The following FGF10 variants were observed in gnomAD, a reference collection of about 807,000 sequenced individuals.
The protein encoded by FGF10 is FGF-10.
Under a neutral mutation model 19.8 loss-of-function variants are expected in FGF10, and 2 were observed. The ratio of observed to expected loss-of-function variants is 0.10; its 90% CI spans 0.04 to 0.32. The LOEUF (loss-of-function observed/expected upper bound fraction) is 0.32. FGF10 is among the 10% of genes least tolerant of loss of function. The pLI is 1.00. For synonymous variants in FGF10, 112 were observed against 94.0 expected, an observed-to-expected ratio of 1.19 and a Z score of -1.10; for missense variants, 191 against 246.3, an observed-to-expected ratio of 0.78 and a Z score of 1.50.
At chr5:44,339,562 A>G (rs1490287904) in intron 1 of FGF10, among the ~76,000 whole-genome samples, 3 of 152,126 alleles carry the variant, frequency 2.0e-5, no homozygotes, top group Non-Finnish European at 4.4e-5. Flanking sequence ...TGCAATGATA[A>G]CCTTCTATCA....
intron 1 of FGF10, among the ~76,000 whole-genome samples, chr5:44,338,820 GAC>G (rs1306695853): frequency 1.1e-4 from 17 of 152,148 alleles, no homozygotes; most frequent in African/African-American, 3.9e-4. Flanking sequence ...AAAAGAATGA[GAC>G]ATGTTATTGT....
Position 44,362,670 on chromosome 5 carries a change from A to G in FGF10, c.325+25688T>C, listed in dbSNP as rs963578706. ...CAGCATGACAAATTGTTGTAATCTT[A>G]TCTGCCCTTATAGATGCTGCTTCCC... is the stretch of plus-strand genomic sequence containing the variant. On this transcript the variant is annotated intron_variant, in intron 1 of 2. Transcript: ENST00000264664. Among the ~76,000 whole-genome samples, 3 of 151,660 alleles carry G rather than the reference A, an allele frequency of 2.0e-5. No individual in the cohort carries two copies. The East Asian group carries it at 5.8e-4, about 30-fold the overall frequency.
At chr5:44,378,346 C>A (rs544771619) in intron 1 of FGF10, among the ~76,000 whole-genome samples, 1 of 152,314 alleles carries the variant, frequency 6.6e-6, no homozygotes, top group East Asian at 1.9e-4. Flanking sequence ...CAATCTGTTT[C>A]TTCTACCAAT....
intron 1 of FGF10, among the ~76,000 whole-genome samples, chr5:44,330,318 T>C (rs35188593): frequency 2.6e-5 from 4 of 152,314 alleles, no homozygotes; most frequent in South Asian, 4.1e-4. Context: ...TCTCAATGTC[T>C]AATTAATCCT....
intron 1 of FGF10, among the ~76,000 whole-genome samples, chr5:44,333,917 G>C (rs965389525): frequency 2.6e-5 from 4 of 152,006 alleles, no homozygotes; most frequent in Non-Finnish European, 5.9e-5. Context: ...CCTGAGACTT[G>C]TATCTCTGTT....
At chr5:44,310,584 G>T in intron 1 of FGF10, 54 bp from the exon 2 acceptor site, 1 of 1,318,956 alleles carries the variant, frequency 7.6e-7, no homozygotes, top group Non-Finnish European at 1.1e-6. Flanking sequence ...ATATTTGGAA[G>T]AAAAGTAAAA....
At chr5:44,355,723 G>C (rs1326382187) in intron 1 of FGF10, among the ~76,000 whole-genome samples, 2 of 151,298 alleles carry the variant, frequency 1.3e-5, no homozygotes, top group Admixed American at 1.3e-4. Flanking sequence ...TGGAAGAGAG[G>C]ACCTCTTTCA....
Position 44,339,696 on chromosome 5 carries a change from C to A in FGF10, c.326-29166G>T, listed in dbSNP as rs541378842. ...CAAGGTTTCCTCTGGCCATTTGACC[C>A]CTATCTTTAATGTCATGCTTTCTGT... On this transcript the variant is annotated intron_variant, in intron 1 of 2. Coordinates refer to ENST00000264664, the MANE Select transcript of FGF10 (RefSeq NM_004465.2). 1.8e-4 allele frequency among the ~76,000 whole-genome samples: 28 copies of A among 152,188 alleles called. 1 individual carries two copies. In the South Asian group the frequency reaches 5.4e-3, roughly 29 times the overall value.
At chr5:44,385,753 C>T (rs1742083459) in intron 1 of FGF10, among the ~76,000 whole-genome samples, 1 of 152,116 alleles carries the variant, frequency 6.6e-6, no homozygotes, top group South Asian at 2.1e-4. Context: ...AAAGTTTGTT[C>T]ACATGTTATT....
At chr5:44,386,974 C>G (rs141459591) in intron 1 of FGF10, among the ~76,000 whole-genome samples, 8 of 152,178 alleles carry the variant, frequency 5.3e-5, no homozygotes, top group Non-Finnish European at 2.9e-5. Flanking sequence ...GTTTGACTGA[C>G]GTATTTAAGT....
intron 1 of FGF10, among the ~76,000 whole-genome samples, chr5:44,362,442 A>AT (rs1260131967): frequency 6.6e-6 from 1 of 151,238 alleles, no homozygotes; most frequent in African/African-American, 2.4e-5. Context: ...TAATGTTACA[A>AT]TTTTTGATAA....
rs17227752 is a variant in FGF10 at position 44,354,674 on chromosome 5, T to C, written c.325+33684A>G. On this transcript the variant is annotated intron_variant, in intron 1 of 2. Coordinates refer to ENST00000264664, the MANE Select transcript of FGF10 (RefSeq NM_004465.2). ...AAAAGCAGTGGTAGGTGTGTTTGGC[T>C]GTTGCAGCAAGTCATGTGTTGGAAT... 7.9e-4 allele frequency among the ~76,000 whole-genome samples: 120 copies of C among 151,626 alleles called. 1 individual carries two copies. Among genetic ancestry groups the C allele is most frequent in the Middle Eastern group, 6.8e-3 (2 of 294 alleles).
intron 1 of FGF10, among the ~76,000 whole-genome samples, chr5:44,315,023 G>A (rs1324898830): frequency 1.3e-5 from 2 of 152,032 alleles, no homozygotes; most frequent in South Asian, 2.1e-4. Context: ...GAATTCTATA[G>A]ACTGAGTAAA....
At chr5:44,371,565 G>T (rs540804689) in intron 1 of FGF10, among the ~76,000 whole-genome samples, 1 of 152,166 alleles carries the variant, frequency 6.6e-6, no homozygotes, top group Non-Finnish European at 1.5e-5. Context: ...CCAGGTTAAT[G>T]GAAACCCTTT....
chr5:44,317,351 C>T (rs937781919), intron 1 of FGF10, among the ~76,000 whole-genome samples: 1 of 152,142 alleles, frequency 6.6e-6, no homozygotes, highest in Non-Finnish European at 1.5e-5. Context: ...TGACATTTTA[C>T]ATTCTCACCT....
At chr5:44,349,206 TA>T in intron 1 of FGF10, among the ~76,000 whole-genome samples, 1 of 150,828 alleles carries the variant, frequency 6.6e-6, no homozygotes, top group Middle Eastern at 3.4e-3. Flanking sequence ...CTTGTCTCTA[TA>T]ATCTTTTGCC....
intron 2 of FGF10, among the ~76,000 whole-genome samples, 186 bp from the exon 3 acceptor site, chr5:44,305,378 T>C (rs1223997305): frequency 6.6e-6 from 1 of 152,164 alleles, no homozygotes; most frequent in African/African-American, 2.4e-5. Flanking sequence ...ACACATTCTG[T>C]TTGAAAGCAC....
chr5:44,350,303 G>A (rs532708830), intron 1 of FGF10, among the ~76,000 whole-genome samples: 37 of 150,826 alleles, frequency 2.5e-4, no homozygotes, highest in African/African-American at 9.0e-4. Context: ...AAGTATCCAT[G>A]AGAAAAGCCT....
chr5:44,336,606 T>C (rs1238941676), intron 1 of FGF10, among the ~76,000 whole-genome samples: 2 of 152,150 alleles, frequency 1.3e-5, no homozygotes, highest in Admixed American at 6.6e-5. Context: ...GCTTATACAT[T>C]TGGACTTTGG....
Sources: allele counts gnomAD v4.1 joint callset (sites outside exome capture counted in the v4.1 genomes callset), GRCh38; gene constraint gnomAD v4.1.1; transcripts MANE v1.5; gene names NCBI Gene and HGNC (gene_info 2026-07-23, HGNC 2026-07-21).